SPOP: variants seen among roughly 807,000 people sequenced by gnomAD.
The protein encoded by SPOP is speckle-type POZ protein.
In SPOP, 11 loss-of-function variants were observed where a neutral mutation model predicts 45.6. The observed-to-expected ratio is 0.24, with a 90% confidence interval of 0.15 to 0.40. The LOEUF is 0.40. Among genes scored for constraint, SPOP ranks in the 10% least tolerant of loss-of-function variants. The pLI, the probability that SPOP is intolerant of heterozygous loss-of-function variation, is 1.00. For missense variants in SPOP, 152 were observed against 465.6 expected (o/e 0.33, Z 6.20); for synonymous variants, 166 against 166.3 (o/e 1.00, Z 0.01).
At chr17:49,650,224 A>T (rs914461497) in intron 1 of SPOP, among the ~76,000 whole-genome samples, 1 of 152,180 alleles carries the variant, frequency 6.6e-6, no homozygotes, top group Non-Finnish European at 1.5e-5. Flanking sequence ...AGAAAACAAC[A>T]ACTACTCATA....
At chr17:49,653,177 C>T (rs2072864261) in intron 1 of SPOP, among the ~76,000 whole-genome samples, 1 of 152,038 alleles carries the variant, frequency 6.6e-6, no homozygotes, top group East Asian at 1.9e-4. Context: ...TTCTATGCCC[C>T]TTTGGAAACA....
chr17:49,677,584 G>T (rs1272157662), intron 1 of SPOP, among the ~76,000 whole-genome samples: 12 of 151,984 alleles, frequency 7.9e-5, no homozygotes, highest in African/African-American at 2.9e-4. Flanking sequence ...CCGGGGCAGC[G>T]AAGAAGCAGC....
rs1174134341 is a variant in SPOP, at chr17:49,599,379, C to G, written c.*999G>C. On this transcript the variant is annotated 3_prime_UTR_variant, in exon 10 of 10. Transcript: ENST00000504102. ...GAGGGGCTAGTCAGAAGGAACAGAA[C>G]TGGCTCCTATGCAGGCGGCAAGTCA... 4.4e-6 allele frequency: 1 copy of G among 225,246 alleles called. No homozygotes were observed. The highest frequency in any genetic ancestry group is 6.4e-5 in the East Asian group (1 of 15,616). 14.0% of individuals were successfully genotyped at this position (225,246 alleles called of 1,614,324 possible).
At chr17:49,642,875 G>A (rs182470567) in intron 1 of SPOP, among the ~76,000 whole-genome samples, 6 of 152,306 alleles carry the variant, frequency 3.9e-5, no homozygotes, top group African/African-American at 9.6e-5. Flanking sequence ...AGATACTTCC[G>A]AGTATACATA....
At chr17:49,669,697 G>A (rs1045886634) in intron 1 of SPOP, among the ~76,000 whole-genome samples, 9 of 147,376 alleles carry the variant, frequency 6.1e-5, no homozygotes, top group East Asian at 2.0e-4. Context: ...CCCGGGAGGC[G>A]GAGGTTGCAG....
At chr17:49,602,062 C>A (rs1042000862) in intron 8 of SPOP, 55 bp from the exon 9 acceptor site, 6 of 1,587,556 alleles carry the variant, frequency 3.8e-6, no homozygotes, top group Non-Finnish European at 5.2e-6. Flanking sequence ...GGGCTGACCA[C>A]TACTGAAGCT....
chr17:49,640,252 CAA>C (rs750556855), intron 1 of SPOP, among the ~76,000 whole-genome samples: 2 of 122,686 alleles, frequency 1.6e-5, no homozygotes, highest in Non-Finnish European at 1.8e-5. Context: ...GACCCCGTCT[CAA>C]AAAAAAAAAA....
intron 1 of SPOP, among the ~76,000 whole-genome samples, chr17:49,645,380 A>G (rs1331450019): frequency 6.6e-6 from 1 of 151,770 alleles, no homozygotes; most frequent in South Asian, 2.1e-4. Flanking sequence ...GCTCACTGCA[A>G]CCTCTGCCTC....
At chr17:49,640,523 T>C (rs1242647292) in intron 1 of SPOP, among the ~76,000 whole-genome samples, 2 of 152,054 alleles carry the variant, frequency 1.3e-5, no homozygotes, top group African/African-American at 2.4e-5. Flanking sequence ...AATATAAAGG[T>C]TTAAATCTAC....
intron 1 of SPOP, among the ~76,000 whole-genome samples, chr17:49,674,353 G>A (rs534176642): frequency 1.3e-5 from 2 of 152,200 alleles, no homozygotes; most frequent in East Asian, 1.9e-4. Context: ...TCTTTGATGG[G>A]AGACTTTTTA....
At chr17:49,632,758 C>A (rs1243966287) in intron 1 of SPOP, among the ~76,000 whole-genome samples, 2 of 152,198 alleles carry the variant, frequency 1.3e-5, no homozygotes, top group African/African-American at 4.8e-5. Context: ...GCGTGAGCCA[C>A]TACGCCTTGC....
At position 49,641,352 on chromosome 17, in the gene SPOP, G is replaced by A. The variant is rs1001349118; in HGVS notation, c.-66-18476C>T. Among the ~76,000 whole-genome samples the A allele has an allele frequency of 6.3e-5, 9 of 142,454 alleles. No individual in the cohort carries two copies. In the South Asian group the frequency reaches 6.7e-4, roughly 11 times the overall value. 93.5% of individuals were successfully genotyped at this position (142,454 alleles called of 152,430 possible). ...GCTTCATCATTTTTTTTTCTATAGCGCATAAAGTCATCTACCATCCTGTAT... is the reference window on the plus strand; with the variant it reads ...GCTTCATCATTTTTTTTTCTATAGCACATAAAGTCATCTACCATCCTGTAT... On this transcript the variant is annotated intron_variant, in intron 1 of 9. Coordinates refer to ENST00000504102, the MANE Select transcript of SPOP (RefSeq NM_001007228.2).
At chr17:49,646,977 G>C (rs2072768400) in intron 1 of SPOP, among the ~76,000 whole-genome samples, 1 of 152,154 alleles carries the variant, frequency 6.6e-6, no homozygotes, top group African/African-American at 2.4e-5. Context: ...TCATTTTCAA[G>C]TGGCAACTCA....
chr17:49,631,830 G>A (rs1387843428), intron 1 of SPOP, among the ~76,000 whole-genome samples: 1 of 152,194 alleles, frequency 6.6e-6, no homozygotes, highest in Non-Finnish European at 1.5e-5. Context: ...AGGTCTCCTA[G>A]CAAATGAAGT....
rs534407747 is a variant in SPOP at position 49,615,896 on chromosome 17, G to A, written c.480+3085C>T. Among the ~76,000 whole-genome samples the A allele has an allele frequency of 8.6e-4, 130 of 151,748 alleles. 1 individual carries two copies. In the Middle Eastern group the frequency reaches 0.017, roughly 20 times the overall value. On this transcript the variant is annotated intron_variant, in intron 5 of 9. Transcript: ENST00000504102. ...CCCTGGGCACTGCTTCTCTCCCCTT[G>A]TAACATGAAATGAAGAAAACAGAAC...
At chr17:49,627,084 C>G (rs548062428) in intron 1 of SPOP, among the ~76,000 whole-genome samples, 1 of 152,280 alleles carries the variant, frequency 6.6e-6, no homozygotes, top group East Asian at 1.9e-4. Context: ...CTCCTGACCT[C>G]GTGATTTGCC....
At chr17:49,645,453 C>T (rs1167728673) in intron 1 of SPOP, among the ~76,000 whole-genome samples, 1 of 152,006 alleles carries the variant, frequency 6.6e-6, no homozygotes, top group Non-Finnish European at 1.5e-5. Context: ...GCACGTGCCA[C>T]CACACCCAAC....
chr17:49,665,500 A>T (rs1234130404), intron 1 of SPOP, among the ~76,000 whole-genome samples: 1 of 151,954 alleles, frequency 6.6e-6, no homozygotes, highest in Non-Finnish European at 1.5e-5. Context: ...CTGTAGTCCC[A>T]GCTACTCAGG....
At chr17:49,658,044 A>C (rs2072938523) in intron 1 of SPOP, among the ~76,000 whole-genome samples, 1 of 152,198 alleles carries the variant, frequency 6.6e-6, no homozygotes, top group Middle Eastern at 3.2e-3. Context: ...AAAAAAATTC[A>C]TTATTGGGAA....
Sources: allele counts gnomAD v4.1 joint callset (sites outside exome capture counted in the v4.1 genomes callset), GRCh38; gene constraint gnomAD v4.1.1; transcripts MANE v1.5; gene names NCBI Gene and HGNC (gene_info 2026-07-23, HGNC 2026-07-21).